RFX7: variants seen among roughly 807,000 people sequenced by gnomAD.
RFX7 encodes the protein DNA-binding protein RFX7.
RFX7 carries 26 observed loss-of-function variants against 111.8 expected under a neutral mutation model. The ratio of observed to expected loss-of-function variants is 0.23; its 90% confidence interval spans 0.17 to 0.32. The LOEUF is 0.32. Among genes scored for constraint, RFX7 ranks in the 10% least tolerant of loss-of-function variants. The pLI is 1.00. For missense variants in RFX7, 1,573 were observed against 1,772.9 expected, an observed-to-expected ratio of 0.89 and a Z score of 2.02; for synonymous variants, 624 against 624.4, an observed-to-expected ratio of 1.00 and a Z score of 0.01.
rs963306967 is a variant in RFX7 at position 56,088,019 on chromosome 15, C to T, written c.*5326G>A. Reference sequence around the variant, plus strand: ...TGGAGAGAAGGGAGGGAAAAGGATTCAAGTAATTTGGAGGAAAATTACAAA... The same window carrying T: ...TGGAGAGAAGGGAGGGAAAAGGATTTAAGTAATTTGGAGGAAAATTACAAA... On this transcript the variant is annotated 3_prime_UTR_variant, in exon 10 of 10. Coordinates refer to ENST00000559447, the MANE Select transcript of RFX7 (RefSeq NM_022841.7). 5 of 300,142 alleles carry T rather than the reference C, an allele frequency of 1.7e-5. No individual in the cohort carries two copies. Among genetic ancestry groups the T allele is most frequent in the Admixed American group, 9.6e-5 (2 of 20,886 alleles). The allele number at this position is 300,142 out of a possible 1,614,324, so 18.6% of individuals were successfully genotyped here. A position where few individuals can be genotyped will look rare whatever the true frequency, so the allele number is the denominator to read the frequency against.
intron 3 of RFX7, among the ~76,000 whole-genome samples, chr15:56,158,761 T>C (rs755076169): frequency 1.3e-5 from 2 of 152,080 alleles, no homozygotes; most frequent in Non-Finnish European, 2.9e-5. Context: ...AGGTCAAAGC[T>C]GCAGTGAGCC....
chr15:56,194,240 T>A (rs1182276537), intron 2 of RFX7, among the ~76,000 whole-genome samples: 1 of 152,100 alleles, frequency 6.6e-6, no homozygotes, highest in African/African-American at 2.4e-5. Context: ...TTATTTGGAG[T>A]CCTCAAGTCT....
rs571020996 is a variant in RFX7, at chr15:56,232,355, T to C, written c.161+10770A>G. Among the ~76,000 whole-genome samples the C allele has an allele frequency of 7.2e-5, 11 of 152,290 alleles. No homozygotes were observed. In the South Asian group the frequency reaches 8.3e-4, roughly 11 times the overall value. ...TTCCCCTTTTAGCCATGGCTGGAGC[T>C]GCTGGGATGCAGAGCACCAAGTCTC... On this transcript the variant is annotated intron_variant, in intron 2 of 9. Coordinates refer to ENST00000559447, the MANE Select transcript of RFX7 (RefSeq NM_022841.7).
At chr15:56,096,683 T>TATACTTGAATTA in intron 9 of RFX7, 63 bp from the exon 10 acceptor site, 1 of 1,446,296 alleles carries the variant, frequency 6.9e-7, no homozygotes, top group Non-Finnish European at 9.2e-7. Context: ...AATTCATGTA[T>TATACTTGAATTA]CTGTATATAC....
At chr15:56,121,546 T>C (rs2042078559) in intron 5 of RFX7, among the ~76,000 whole-genome samples, 1 of 152,224 alleles carries the variant, frequency 6.6e-6, no homozygotes, top group Non-Finnish European at 1.5e-5. Context: ...AACTTTCTTG[T>C]ACTTGGATAT....
intron 2 of RFX7, 144 bp from the exon 3 acceptor site, chr15:56,179,447 A>T (rs1264822096): frequency 2.2e-5 from 6 of 272,610 alleles, no homozygotes; most frequent in African/African-American, 1.2e-4. Context: ...TTGTAGCCTA[A>T]ATCTGTGTTT....
At chr15:56,125,944 T>C (rs1412422766) in intron 5 of RFX7, among the ~76,000 whole-genome samples, 2 of 152,186 alleles carry the variant, frequency 1.3e-5, no homozygotes, top group African/African-American at 4.8e-5. Flanking sequence ...GAGGGAAGCA[T>C]TAAATATAAT....
At chr15:56,201,759 G>A (rs1381180544) in intron 2 of RFX7, among the ~76,000 whole-genome samples, 3 of 152,150 alleles carry the variant, frequency 2.0e-5, no homozygotes, top group African/African-American at 7.2e-5. Context: ...GGCCGGGCGT[G>A]GTGGCTCATG....
chr15:56,217,445 C>G (rs1166802436), intron 2 of RFX7, among the ~76,000 whole-genome samples: 6 of 149,790 alleles, frequency 4.0e-5, no homozygotes, highest in Admixed American at 4.0e-4. Flanking sequence ...CTACAATACT[C>G]CCTTTCTGAA....
chr15:56,243,042 T>C, intron 2 of RFX7, 83 bp downstream of exon 2: 91 of 543,232 alleles, frequency 1.7e-4, no homozygotes, highest in Middle Eastern at 4.3e-4. Context: ...CCTCCTCCGC[T>C]CCCCCCGCCC....
chr15:56,203,756 G>C (rs148308878), intron 2 of RFX7, among the ~76,000 whole-genome samples: 3,298 of 152,228 alleles, frequency 0.022, 123 homozygotes, highest in African/African-American at 0.075. Context: ...GGCAATGTCA[G>C]GAAGTTACCC....
intron 5 of RFX7, among the ~76,000 whole-genome samples, chr15:56,142,167 A>C (rs2042409864): frequency 6.6e-6 from 1 of 152,128 alleles, no homozygotes; most frequent in Non-Finnish European, 1.5e-5. Flanking sequence ...GTTAAACGAG[A>C]CTATATTTAG....
chr15:56,134,883 C>T (rs573543509), intron 5 of RFX7, among the ~76,000 whole-genome samples: 52 of 152,028 alleles, frequency 3.4e-4, no homozygotes, highest in East Asian at 7.7e-4. Context: ...TTTGTTCTTG[C>T]GATAGTTTAC....
chr15:56,229,172 G>A (rs1425371460), intron 2 of RFX7, among the ~76,000 whole-genome samples: 2 of 152,182 alleles, frequency 1.3e-5, no homozygotes, highest in African/African-American at 4.8e-5. Flanking sequence ...TTGACTGCAA[G>A]TAACTGAAAC....
At chr15:56,228,845 CTA>C (rs1168661226) in intron 2 of RFX7, among the ~76,000 whole-genome samples, 1 of 152,106 alleles carries the variant, frequency 6.6e-6, no homozygotes, top group Non-Finnish European at 1.5e-5. Flanking sequence ...CCTATATATA[CTA>C]TGTTTTTTCC....
chr15:56,227,206 A>T (rs2043494877), intron 2 of RFX7, among the ~76,000 whole-genome samples: 1 of 152,214 alleles, frequency 6.6e-6, no homozygotes, highest in African/African-American at 2.4e-5. Context: ...CAACACATTC[A>T]TGAAATATAT....
chr15:56,107,548 G>C (rs1159344775), intron 5 of RFX7, among the ~76,000 whole-genome samples: 1 of 151,940 alleles, frequency 6.6e-6, no homozygotes, highest in Non-Finnish European at 1.5e-5. Flanking sequence ...AAAGACTTGT[G>C]GTAAAATATA....
intron 5 of RFX7, among the ~76,000 whole-genome samples, chr15:56,106,522 T>A (rs1447155460): frequency 6.6e-6 from 1 of 152,174 alleles, no homozygotes; most frequent in African/African-American, 2.4e-5. Flanking sequence ...AATGTTAGAA[T>A]TGAAAAAATA....
intron 5 of RFX7, among the ~76,000 whole-genome samples, chr15:56,107,183 G>C (rs968312567): frequency 1.3e-5 from 2 of 149,566 alleles, no homozygotes; most frequent in African/African-American, 4.9e-5. Flanking sequence ...TGTAGTCCCA[G>C]TTACTCGGGA....
Sources: gnomAD v4.1 joint callset for allele counts (sites outside exome capture counted in the v4.1 genomes callset) on GRCh38, gnomAD v4.1.1 for gene constraint, MANE v1.5 for transcripts, NCBI Gene and HGNC (gene_info 2026-07-23, HGNC 2026-07-21) for gene names.